ZAP70: variants seen among roughly 807,000 people sequenced by gnomAD.
The protein encoded by ZAP70 is zeta chain of T cell receptor associated protein kinase 70.
ZAP70 carries 27 observed loss-of-function variants against 65.8 expected under a neutral mutation model. That is an observed-to-expected ratio of 0.41 (90% CI 0.30 to 0.57). The LOEUF (loss-of-function observed/expected upper bound fraction) is 0.57, where lower values mean the gene tolerates loss of function less well. ZAP70 is among the 20% of genes least tolerant of loss of function. ZAP70 has a pLI of 0.28. For synonymous variants in ZAP70, 363 were observed against 360.8 expected, an observed-to-expected ratio of 1.01 and a Z score of -0.07; for missense variants, 696 against 870.5, an observed-to-expected ratio of 0.80 and a Z score of 2.52.
rs1282423313 is a variant in ZAP70 at position 97,737,320 on chromosome 2, C to T, written c.1290-153C>T. ...CCTGTTTTGTTCACTGCTGTGTCCC[C>T]AGCCCCACGCCTGGCACACAGCAGG... On this transcript the variant is annotated intron_variant, in intron 10 of 13. Transcript: ENST00000264972. This position sits in a 1 kb window ranked among gnomAD's most constrained non-coding sequence, Gnocchi z 5.0. 6.6e-6 allele frequency among the ~76,000 whole-genome samples: 1 copy of T among 152,128 alleles called. No individual in the cohort carries two copies. Among genetic ancestry groups the T allele is most frequent in the East Asian group, 1.9e-4 (1 of 5,188 alleles).
At chr2:97,721,863 T>C (rs905851802) in intron 2 of ZAP70, among the ~76,000 whole-genome samples, 5 of 151,110 alleles carry the variant, frequency 3.3e-5, no homozygotes, top group Admixed American at 2.0e-4. Context: ...CTCAGCTCAC[T>C]GCAACCTCCG....
downstream of ZAP70, chr2:97,739,958 C>T: frequency 6.0e-6 from 1 of 168,044 alleles, no homozygotes; most frequent in Non-Finnish European, 1.3e-5. Flanking sequence ...GTGGACTGAG[C>T]CTGGAAGTGA....
intron 13 of ZAP70, chr2:97,738,656 C>T (rs536586325): frequency 1.0e-4 from 20 of 199,176 alleles, no homozygotes; most frequent in African/African-American, 3.4e-4. Context: ...GACAAGCGGA[C>T]GCCCTAGACT....
downstream of ZAP70, among the ~76,000 whole-genome samples, chr2:97,740,579 G>A (rs1678103363): frequency 6.6e-6 from 1 of 152,160 alleles, no homozygotes; most frequent in African/African-American, 2.4e-5. Context: ...TTATAAGAAG[G>A]AGGCATTAAA....
Position 97,737,074 on chromosome 2 carries a change from T to C in ZAP70, c.1290-399T>C, listed in dbSNP as rs868622136. On this transcript the variant is annotated intron_variant, in intron 10 of 13. Transcript: ENST00000264972. The surrounding 1 kb of genome is among the most constrained non-coding windows in gnomAD (Gnocchi z 5.0). ...ATTCTGACACCAGAACTGCCAGGGT[T>C]TGCTGATGGATTGGGTGTGAGAGAA... Among the ~76,000 whole-genome samples, 1 of 152,074 alleles carries C rather than the reference T, an allele frequency of 6.6e-6. No homozygotes were observed. Among genetic ancestry groups the C allele is most frequent in the African/African-American group, 2.4e-5 (1 of 41,482 alleles).
At chr2:97,734,968 G>C in intron 9 of ZAP70, 1 of 653,106 alleles carries the variant, frequency 1.5e-6, no homozygotes, top group Non-Finnish European at 2.6e-6. Context: ...TGGGGTCCCC[G>C]ATCCCTGAGT....
At chr2:97,734,778 C>T (rs1376200114) in intron 9 of ZAP70, 66 bp downstream of exon 9, 11 of 1,590,810 alleles carry the variant, frequency 6.9e-6, no homozygotes, top group East Asian at 2.2e-5. Context: ...CTTCACCGGG[C>T]TGTGGGACGG....
the ZAP70 span, among the ~76,000 whole-genome samples, chr2:97,753,483 C>T: frequency 1.9e-4 from 29 of 152,204 alleles, no homozygotes; most frequent in Non-Finnish European, 3.5e-4. Flanking sequence ...CTTTTAGCTC[C>T]GGAACACTGA....
chr2:97,718,550 G>A (rs1021176423), intron 2 of ZAP70, among the ~76,000 whole-genome samples: 7 of 152,250 alleles, frequency 4.6e-5, no homozygotes, highest in Non-Finnish European at 5.9e-5. Flanking sequence ...TGTGATTACC[G>A]TTGTCCTTGT....
At chr2:97,754,646 G>A in the ZAP70 span, among the ~76,000 whole-genome samples, 30 of 152,196 alleles carry the variant, frequency 2.0e-4, no homozygotes, top group East Asian at 1.2e-3. Context: ...CAGTTGATCC[G>A]CCCACCTCGG....
chr2:97,738,121 G>T lies in ZAP70; in HGVS notation c.1736+14G>T, dbSNP rs1219746384. The T allele has an allele frequency of 1.3e-6, 2 of 1,584,758 alleles. No homozygotes were observed. The highest frequency in any genetic ancestry group is 2.3e-5 in the East Asian group (1 of 43,532). On this transcript the variant is annotated intron_variant, in intron 13 of 13. Coordinates refer to ENST00000264972, the MANE Select transcript of ZAP70 (RefSeq NM_001079.4). ...CTGGATCTACAAGTGAGTGCCAGTG[G>T]GGAGGGGACCCGGCTGGGCTGACCC...
chr2:97,725,970 G>C (rs888009985), intron 4 of ZAP70, among the ~76,000 whole-genome samples: 13 of 152,062 alleles, frequency 8.5e-5, no homozygotes, highest in Admixed American at 5.9e-4. Context: ...AGGGCAGGGC[G>C]GGGACTTTAG....
the ZAP70 span, among the ~76,000 whole-genome samples, chr2:97,752,790 C>A: frequency 6.6e-6 from 1 of 152,104 alleles, no homozygotes; most frequent in African/African-American, 2.4e-5. Context: ...AACATTTGTT[C>A]TTTTATTTTT....
intron 2 of ZAP70, among the ~76,000 whole-genome samples, chr2:97,716,388 C>T (rs1377092485): frequency 6.6e-6 from 1 of 152,208 alleles, no homozygotes; most frequent in Non-Finnish European, 1.5e-5. Flanking sequence ...ACAAAGGCTC[C>T]ACTCCCGTGG....
chr2:97,746,793 C>T, the ZAP70 span, among the ~76,000 whole-genome samples: 1 of 152,188 alleles, frequency 6.6e-6, no homozygotes, highest in African/African-American at 2.4e-5. Context: ...AAAGAGAACT[C>T]ACAGAATGGG....
chr2:97,743,801 T>C (rs192098022), downstream of ZAP70, among the ~76,000 whole-genome samples: 3 of 152,338 alleles, frequency 2.0e-5, no homozygotes, highest in Non-Finnish European at 4.4e-5. Context: ...TGTGAATCCA[T>C]TGTCTCTTCA....
chr2:97,750,941 C>A, the ZAP70 span, among the ~76,000 whole-genome samples: 1 of 152,188 alleles, frequency 6.6e-6, no homozygotes, highest in Non-Finnish European at 1.5e-5. Context: ...TCTCTCTAGT[C>A]GTTTTATTCC....
rs559852316 is a variant in ZAP70 at position 97,723,934 on chromosome 2, GCGTCTCTCGCGC to G, written c.-21-76_-21-65del. Reference sequence around the variant, plus strand: ...CTGCGGCACTGATGCCCTCCACTTGGCGTCTCTCGCGCCGTCTTTGGGCCCAACGCACCAGGT... The same window carrying G: ...CTGCGGCACTGATGCCCTCCACTTGGCGTCTTTGGGCCCAACGCACCAGGT... On this transcript the variant is annotated intron_variant, in intron 2 of 13. Coordinates refer to ENST00000264972, the MANE Select transcript of ZAP70 (RefSeq NM_001079.4). 11 of 1,466,842 alleles carry G rather than the reference GCGTCTCTCGCGC, an allele frequency of 7.5e-6. No homozygotes were observed. The Admixed American group carries it at 2.0e-4, about 27-fold the overall frequency. The allele number at this position is 1,466,842 out of a possible 1,614,324, so 90.9% of individuals were successfully genotyped here.
chr2:97,729,874 AG>A (rs1404114884), intron 4 of ZAP70, among the ~76,000 whole-genome samples: 1 of 152,208 alleles, frequency 6.6e-6, no homozygotes, highest in African/African-American at 2.4e-5. Context: ...TGTATTGGTT[AG>A]CTTTTGCTGT....
Sources: gnomAD v4.1 joint callset for allele counts (sites outside exome capture counted in the v4.1 genomes callset) on GRCh38, gnomAD v4.1.1 for gene constraint, Gnocchi (gnomAD v3.1) non-coding constraint, MANE v1.5 for transcripts, NCBI Gene and HGNC (gene_info 2026-07-23, HGNC 2026-07-21) for gene names.